CNTN5: variants seen among roughly 807,000 people sequenced by gnomAD.
CNTN5 encodes contactin-5.
CNTN5 carries 77 observed loss-of-function variants against 129.1 expected under a neutral mutation model. The ratio of observed to expected loss-of-function variants is 0.60; its 90% CI spans 0.50 to 0.72. CNTN5 has a LOEUF of 0.72. Among genes scored for constraint, CNTN5 ranks in the 30% least tolerant of loss-of-function variants. The pLI is 0.00. For missense variants in CNTN5, 1,478 were observed against 1,328.8 expected (o/e 1.11, Z -1.75); for synonymous variants, 509 against 465.6 (o/e 1.09, Z -1.20).
intron 1 of CNTN5, among the ~76,000 whole-genome samples, chr11:99,247,911 G>T (rs956120907): frequency 6.6e-6 from 1 of 151,982 alleles, no homozygotes; most frequent in Non-Finnish European, 1.5e-5. Flanking sequence ...GAATAGTGCC[G>T]CAATAAACAT....
At chr11:99,195,772 T>A (rs1858870372) in intron 1 of CNTN5, among the ~76,000 whole-genome samples, 1 of 152,046 alleles carries the variant, frequency 6.6e-6, no homozygotes, top group South Asian at 2.1e-4. Flanking sequence ...CCAAAATTTG[T>A]GGGTGTTTGC....
At chr11:99,299,438 A>T (rs1864527835) in intron 1 of CNTN5, among the ~76,000 whole-genome samples, 1 of 152,236 alleles carries the variant, frequency 6.6e-6, no homozygotes, top group South Asian at 2.1e-4. Context: ...ACAGATTTGA[A>T]CTGGCAAAAG....
intron 3 of CNTN5, among the ~76,000 whole-genome samples, chr11:99,703,846 T>C (rs993397433): frequency 1.3e-5 from 2 of 150,922 alleles, no homozygotes; most frequent in Admixed American, 6.6e-5. Context: ...CCAAACAACG[T>C]TGAAATTTCG....
intron 3 of CNTN5, among the ~76,000 whole-genome samples, chr11:99,621,529 C>T (rs1234868205): frequency 3.7e-5 from 4 of 108,172 alleles, no homozygotes; most frequent in African/African-American, 1.2e-4. Flanking sequence ...CTTTATAATA[C>T]AAAAATAGTA....
chr11:99,773,072 G>A (rs1944999335), intron 3 of CNTN5, among the ~76,000 whole-genome samples: 1 of 151,978 alleles, frequency 6.6e-6, no homozygotes, highest in Non-Finnish European at 1.5e-5. Context: ...AACCAGATTA[G>A]GAAATGGAAC....
chr11:99,918,642 G>A (rs1591419091), intron 7 of CNTN5, among the ~76,000 whole-genome samples: 1 of 152,072 alleles, frequency 6.6e-6, no homozygotes, highest in East Asian at 1.9e-4. Flanking sequence ...CCAGTTTTTA[G>A]TATATATTAT....
intron 6 of CNTN5, 105 bp downstream of exon 6, chr11:99,845,367 T>TTA (rs1466693276): frequency 8.1e-6 from 1 of 123,360 alleles, no homozygotes; most frequent in Non-Finnish European, 1.0e-5. Context: ...ATCTCAAATC[T>TTA]TTTTTTTTTT....
At chr11:100,311,466 G>T (rs765319489) in intron 21 of CNTN5, among the ~76,000 whole-genome samples, 5 of 151,666 alleles carry the variant, frequency 3.3e-5, no homozygotes, top group Non-Finnish European at 7.4e-5. Context: ...GGAAGACTGG[G>T]GATGGAACTA....
intron 3 of CNTN5, among the ~76,000 whole-genome samples, chr11:99,778,048 C>A (rs530006343): frequency 7.9e-5 from 12 of 151,898 alleles, no homozygotes; most frequent in African/African-American, 2.9e-4. Flanking sequence ...TATATGACTC[C>A]ATTTTTTAAT....
intron 3 of CNTN5, among the ~76,000 whole-genome samples, chr11:99,807,887 G>C (rs1946320283): frequency 6.6e-6 from 1 of 152,058 alleles, no homozygotes; most frequent in Non-Finnish European, 1.5e-5. Context: ...GCATATATTT[G>C]TTTATAATGA....
chr11:100,000,434 A>G lies in CNTN5; in HGVS notation c.878-1600A>G, dbSNP rs1444309282. Among the ~76,000 whole-genome samples the G allele has an allele frequency of 2.6e-5, 4 of 152,252 alleles. No homozygotes were observed. In the East Asian group the frequency reaches 7.7e-4, roughly 29 times the overall value. On this transcript the variant is annotated intron_variant, in intron 8 of 24. Coordinates refer to ENST00000524871, the MANE Select transcript of CNTN5 (RefSeq NM_014361.4). ...TGACTCCATGTCTCACATGTAGGGC[A>G]TGATGATAGAAGGCATACGCTCCCA...
At chr11:100,341,608 CA>C (rs1219772291) in intron 23 of CNTN5, among the ~76,000 whole-genome samples, 7 of 151,120 alleles carry the variant, frequency 4.6e-5, no homozygotes, top group Non-Finnish European at 3.0e-5. Flanking sequence ...AACAGAAGAA[CA>C]AAAAAAATGT....
At chr11:99,937,617 GAA>G (rs1950344369) in intron 7 of CNTN5, among the ~76,000 whole-genome samples, 1 of 152,160 alleles carries the variant, frequency 6.6e-6, no homozygotes, top group Admixed American at 6.5e-5. Context: ...GTACATAAGA[GAA>G]AGACGGAAGG....
chr11:99,327,951 G>T (rs970936408), intron 2 of CNTN5, among the ~76,000 whole-genome samples: 1 of 152,110 alleles, frequency 6.6e-6, no homozygotes, highest in Non-Finnish European at 1.5e-5. Context: ...AGTCTGAATG[G>T]CTCTAGGTTT....
chr11:99,056,223 A>T (rs1459123145), intron 1 of CNTN5, among the ~76,000 whole-genome samples: 1 of 152,024 alleles, frequency 6.6e-6, no homozygotes, highest in Non-Finnish European at 1.5e-5. Flanking sequence ...CTCACCAAAT[A>T]CGTATTTTCT....
chr11:99,921,541 C>G (rs943452088), intron 7 of CNTN5, among the ~76,000 whole-genome samples: 2 of 152,144 alleles, frequency 1.3e-5, no homozygotes, highest in Admixed American at 6.6e-5. Flanking sequence ...TTATTTTTCT[C>G]CGTAGTACTC....
chr11:99,508,951 G>A (rs906117782), intron 2 of CNTN5, among the ~76,000 whole-genome samples: 2 of 152,148 alleles, frequency 1.3e-5, no homozygotes, highest in African/African-American at 2.4e-5. Flanking sequence ...AAAGTGCTGG[G>A]ATTACAGGCG....
intron 15 of CNTN5, among the ~76,000 whole-genome samples, chr11:100,200,296 T>C (rs532373248): frequency 3.3e-5 from 5 of 152,066 alleles, no homozygotes; most frequent in African/African-American, 1.2e-4. Flanking sequence ...CTGTAGATTG[T>C]CAAAATTAGT....
At chr11:100,301,636 G>C (rs914829467) in intron 20 of CNTN5, among the ~76,000 whole-genome samples, 13 of 151,554 alleles carry the variant, frequency 8.6e-5, no homozygotes, top group African/African-American at 3.1e-4. Context: ...AACTTTATAT[G>C]TAAATATGAG....
Sources: allele counts gnomAD v4.1 joint callset (sites outside exome capture counted in the v4.1 genomes callset), GRCh38; gene constraint gnomAD v4.1.1; transcripts MANE v1.5; gene names NCBI Gene and HGNC (gene_info 2026-07-23, HGNC 2026-07-21).